Variants in SEMA6D observed in about 807,000 individuals in gnomAD.
SEMA6D encodes the protein semaphorin 6D.
SEMA6D carries 35 observed loss-of-function variants against 106.6 expected under a neutral mutation model. The observed-to-expected ratio is 0.33, with a 90% CI of 0.25 to 0.44. The LOEUF (loss-of-function observed/expected upper bound fraction) is 0.44. SEMA6D is among the 20% of genes least tolerant of loss of function. SEMA6D has a pLI of 1.00. For synonymous variants in SEMA6D, 499 were observed against 487.7 expected (o/e 1.02, Z -0.31); for missense variants, 1,185 against 1,345.9 (o/e 0.88, Z 1.87).
At chr15:47,504,432 A>C (rs1223439767) in intron 3 of SEMA6D, among the ~76,000 whole-genome samples, 3 of 152,002 alleles carry the variant, frequency 2.0e-5, no homozygotes, top group East Asian at 3.9e-4. Context: ...ATCCAACCCC[A>C]TGGCGAGGGA....
At chr15:47,287,387 G>A (rs143531433) in intron 1 of SEMA6D, among the ~76,000 whole-genome samples, 11 of 152,252 alleles carry the variant, frequency 7.2e-5, no homozygotes, top group African/African-American at 2.6e-4. Flanking sequence ...TCCTTAAAAA[G>A]CATTTATAAA....
intron 1 of SEMA6D, chr15:47,380,415 C>T (rs1163747336): frequency 6.6e-6 from 1 of 152,226 alleles, no homozygotes; most frequent in Non-Finnish European, 1.5e-5. Flanking sequence ...ATCTTCTACT[C>T]TGGCTTTTAT....
At chr15:47,690,295 G>T (rs17387110) in intron 4 of SEMA6D, among the ~76,000 whole-genome samples, 54,936 of 151,894 alleles carry the variant, frequency 0.36, 11,188 homozygotes, top group Middle Eastern at 0.48. Flanking sequence ...GTCTATTTCA[G>T]GTAAAGGAAT....
chr15:47,247,111 G>C (rs982161083), intron 1 of SEMA6D, among the ~76,000 whole-genome samples: 1 of 152,090 alleles, frequency 6.6e-6, no homozygotes, highest in Non-Finnish European at 1.5e-5. Context: ...AACTACACTA[G>C]AAATATAAGA....
intron 1 of SEMA6D, among the ~76,000 whole-genome samples, chr15:47,383,444 G>T (rs2039711709): frequency 1.3e-5 from 2 of 152,184 alleles, no homozygotes; most frequent in Non-Finnish European, 2.9e-5. Context: ...CTGGCTCATA[G>T]TTGATTTTGA....
intron 1 of SEMA6D, among the ~76,000 whole-genome samples, chr15:47,404,511 C>G (rs543127276): frequency 5.3e-5 from 8 of 152,252 alleles, no homozygotes; most frequent in African/African-American, 1.9e-4. Context: ...CTTTGTAGCA[C>G]AGACCACCAC....
chr15:47,383,669 T>TA (rs1293577725), intron 1 of SEMA6D, among the ~76,000 whole-genome samples: 1 of 152,210 alleles, frequency 6.6e-6, no homozygotes, highest in Non-Finnish European at 1.5e-5. Flanking sequence ...AGTTAAATAT[T>TA]AAAATCACCC....
Position 47,765,961 on chromosome 15 carries a change from T to C in SEMA6D, c.1520T>C (p.Ile507Thr), listed in dbSNP as rs1304758271. The change falls in exon 14 of 19, where the codon ATT becomes ACT. Residue 507 changes from isoleucine (I) to threonine (T), a missense_variant. By Grantham distance (89) the Ile-to-Thr change is moderately conservative (BLOSUM62 -1). This residue lies in a region of SEMA6D where 750 missense variants were observed against 783.5 expected (regional missense o/e 0.96). Coordinates refer to ENST00000536845, the MANE Select transcript of SEMA6D (RefSeq NM_001358351.3). ...TTATATGTGGCGTTCTCTAGCTGCA[T>C]TATCCGCATCCCCCTCAGTCGCTGT... ...HALYVAFSSCIIRIPLSRCER... is the reference protein window; with the variant it reads ...HALYVAFSSCTIRIPLSRCER... 1.3e-6 allele frequency: 2 copies of C among 1,592,254 alleles called. No individual in the cohort carries two copies.
intron 1 of SEMA6D, among the ~76,000 whole-genome samples, chr15:47,263,938 A>C (rs980336594): frequency 6.6e-6 from 1 of 151,730 alleles, no homozygotes; most frequent in Non-Finnish European, 1.5e-5. Flanking sequence ...AAGACATGGA[A>C]TCAACCTTAA....
At chr15:47,383,617 A>G (rs558736290) in intron 1 of SEMA6D, among the ~76,000 whole-genome samples, 1 of 148,782 alleles carries the variant, frequency 6.7e-6, no homozygotes, top group East Asian at 1.9e-4. Flanking sequence ...GCAATGAGCT[A>G]TATGCTTTAC....
At chr15:47,322,220 A>C (rs1273944436) in intron 1 of SEMA6D, among the ~76,000 whole-genome samples, 3 of 152,114 alleles carry the variant, frequency 2.0e-5, no homozygotes, top group Admixed American at 2.0e-4. Context: ...AATACTAGGA[A>C]ATTAACTTTG....
At chr15:47,505,270 C>G (rs1049305864) in intron 3 of SEMA6D, among the ~76,000 whole-genome samples, 2 of 152,150 alleles carry the variant, frequency 1.3e-5, no homozygotes, top group Admixed American at 6.5e-5. Flanking sequence ...GCTGTATGGC[C>G]TTCATCAGGT....
At chr15:47,635,706 G>A (rs2077375309) in intron 4 of SEMA6D, among the ~76,000 whole-genome samples, 1 of 152,004 alleles carries the variant, frequency 6.6e-6, no homozygotes, top group African/African-American at 2.4e-5. Context: ...ACACACAGTT[G>A]GTATCTGGAG....
At chr15:47,195,713 TTG>T (rs1209855464) in intron 1 of SEMA6D, among the ~76,000 whole-genome samples, 2 of 152,172 alleles carry the variant, frequency 1.3e-5, no homozygotes, top group Non-Finnish European at 2.9e-5. Context: ...CCACTGCATC[TTG>T]TGCTCGCCGT....
chr15:47,424,887 C>T (rs939515068), intron 2 of SEMA6D, among the ~76,000 whole-genome samples: 1 of 152,048 alleles, frequency 6.6e-6, no homozygotes, highest in Non-Finnish European at 1.5e-5. Context: ...GCTTACATAG[C>T]CTCTTAATCT....
intron 2 of SEMA6D, among the ~76,000 whole-genome samples, chr15:47,415,320 A>G (rs1386534933): frequency 2.0e-5 from 3 of 152,156 alleles, no homozygotes; most frequent in Admixed American, 6.5e-5. Flanking sequence ...ATTACTCCAA[A>G]TGAGAGTATG....
intron 4 of SEMA6D, among the ~76,000 whole-genome samples, chr15:47,601,555 T>C (rs985163381): frequency 2.6e-5 from 4 of 152,232 alleles, no homozygotes; most frequent in African/African-American, 7.2e-5. Context: ...ATGTTTCATA[T>C]GCTTCAGAAG....
At chr15:47,487,811 A>G (rs1048774150) in intron 3 of SEMA6D, among the ~76,000 whole-genome samples, 2 of 152,130 alleles carry the variant, frequency 1.3e-5, no homozygotes, top group African/African-American at 4.8e-5. Flanking sequence ...TGTTATCTAC[A>G]TGTTATCTAG....
intron 4 of SEMA6D, among the ~76,000 whole-genome samples, chr15:47,613,383 G>A (rs1239249093): frequency 1.3e-5 from 2 of 152,076 alleles, no homozygotes; most frequent in East Asian, 3.9e-4. Flanking sequence ...TTCCTTCCAG[G>A]TTTTGAGGAT....
Sources: gnomAD v4.1 joint callset for allele counts (sites outside exome capture counted in the v4.1 genomes callset) on GRCh38, gnomAD v4.1.1 for gene constraint, gnomAD v4.1.1 regional missense constraint, MANE v1.5 for transcripts, NCBI Gene and HGNC (gene_info 2026-07-23, HGNC 2026-07-21) for gene names.